The following CLVS1 variants were observed in gnomAD, a reference collection of about 807,000 sequenced individuals.
CLVS1 encodes clavesin 1.
A neutral mutation model predicts 33.1 loss-of-function variants in CLVS1; 10 were observed. That is an observed-to-expected ratio of 0.30 (90% confidence interval 0.19 to 0.51). The LOEUF is 0.51. Among genes scored for constraint, CLVS1 ranks in the 20% least tolerant of loss-of-function variants. The pLI is 0.97. For synonymous variants in CLVS1, 163 were observed against 166.1 expected, an observed-to-expected ratio of 0.98 and a Z score of 0.14; for missense variants, 343 against 433.4, an observed-to-expected ratio of 0.79 and a Z score of 1.85.
chr8:61,058,078 G>C (rs1159421581), intron 1 of CLVS1, among the ~76,000 whole-genome samples: 4 of 152,332 alleles, frequency 2.6e-5, no homozygotes, highest in Non-Finnish European at 5.9e-5. Context: ...AACCTAGCTA[G>C]ACATATAGTA....
At chr8:61,475,908 T>C (rs1472033245) in intron 5 of CLVS1, among the ~76,000 whole-genome samples, 1 of 152,226 alleles carries the variant, frequency 6.6e-6, no homozygotes. Flanking sequence ...TAGGTTTTCT[T>C]CTAGGGTTTT....
intron 3 of CLVS1, among the ~76,000 whole-genome samples, chr8:61,409,137 C>T (rs1815116340): frequency 6.6e-6 from 1 of 152,144 alleles, no homozygotes; most frequent in African/African-American, 2.4e-5. Flanking sequence ...AGACATATTT[C>T]AATATGACTG....
At chr8:61,308,942 G>C (rs1179786782) in intron 2 of CLVS1, among the ~76,000 whole-genome samples, 2 of 152,150 alleles carry the variant, frequency 1.3e-5, no homozygotes, top group African/African-American at 4.8e-5. Context: ...TCAATCAAAA[G>C]CTGAATCACC....
intron 2 of CLVS1, among the ~76,000 whole-genome samples, chr8:61,169,297 T>C (rs1806944688): frequency 6.6e-6 from 1 of 152,162 alleles, no homozygotes; most frequent in African/African-American, 2.4e-5. Context: ...CAAAGACTTT[T>C]TAACCTTACC....
intron 2 of CLVS1, among the ~76,000 whole-genome samples, chr8:61,196,895 A>G (rs1807624424): frequency 6.6e-6 from 1 of 152,150 alleles, no homozygotes; most frequent in Admixed American, 6.5e-5. Flanking sequence ...ATTGGAAGTG[A>G]TGTGTGCAAC....
At chr8:61,390,087 A>G (rs955555476) in intron 3 of CLVS1, among the ~76,000 whole-genome samples, 1 of 152,150 alleles carries the variant, frequency 6.6e-6, no homozygotes, top group African/African-American at 2.4e-5. Flanking sequence ...GAAAAGTCCT[A>G]TTCTTGGGAG....
At chr8:61,382,852 C>T (rs967255990) in intron 3 of CLVS1, among the ~76,000 whole-genome samples, 16 of 152,286 alleles carry the variant, frequency 1.1e-4, no homozygotes, top group African/African-American at 3.8e-4. Context: ...CCTCAAAGAC[C>T]TCAGGCAAAT....
chr8:61,347,546 T>C (rs1263659193), intron 2 of CLVS1, among the ~76,000 whole-genome samples: 1 of 149,556 alleles, frequency 6.7e-6, no homozygotes, highest in Non-Finnish European at 1.5e-5. Context: ...AAATTCAAGA[T>C]TATCTGTTAT....
intron 2 of CLVS1, among the ~76,000 whole-genome samples, chr8:61,338,091 G>T (rs1011920515): frequency 9.9e-5 from 15 of 152,050 alleles, no homozygotes; most frequent in African/African-American, 2.9e-4. Context: ...ATGTCCTCAG[G>T]AAAAGGTCTG....
chr8:60,994,186 C>T, the CLVS1 span, among the ~76,000 whole-genome samples: 73 of 152,216 alleles, frequency 4.8e-4, no homozygotes, highest in South Asian at 1.5e-3. Flanking sequence ...CTCCCTGTAT[C>T]TTCACGTGGT....
chr8:61,177,802 CAA>C (rs58292797), intron 2 of CLVS1, among the ~76,000 whole-genome samples: 35,815 of 141,238 alleles, frequency 0.25, 4,454 homozygotes, highest in Admixed American at 0.31. Flanking sequence ...ACAACAGCAT[CAA>C]AAAAAAAAAA....
In CLVS1 at chr8:61,323,352, A is replaced by G. The variant is rs73682253; in HGVS notation, c.455+23070A>G. 8.9e-3 allele frequency among the ~76,000 whole-genome samples: 1,353 copies of G among 152,298 alleles called. 22 individuals are homozygous for G. The highest frequency in any genetic ancestry group is 0.031 in the African/African-American group (1,296 of 41,552). On this transcript the variant is annotated intron_variant, in intron 2 of 5. Coordinates refer to ENST00000325897, the MANE Select transcript of CLVS1 (RefSeq NM_173519.3). ...CCTACTCCATCCTGTTGACGAAAGC[A>G]CATCACAAGACCTGTCCAGATACAA...
At chr8:61,057,031 T>G (rs1228405096), upstream of CLVS1, 4 of 152,196 alleles carry the variant, frequency 2.6e-5, no homozygotes, top group Admixed American at 2.6e-4. Flanking sequence ...GTTCTTTCCA[T>G]TCAGGCAGAA....
chr8:61,287,652 A>G (rs1162642465), upstream of CLVS1, among the ~76,000 whole-genome samples: 2 of 152,152 alleles, frequency 1.3e-5, no homozygotes, highest in African/African-American at 4.8e-5. Flanking sequence ...GTCTTTTCAA[A>G]TAGTTCATTT....
Position 61,122,998 on chromosome 8 carries a change from G to C in CLVS1, c.-242-8772G>C, listed in dbSNP as rs1028110961. On this transcript the variant is annotated intron_variant, in intron 1 of 2. Coordinates refer to the CLVS1 transcript ENST00000522621. ...AAAAAGTCTCATAGTGGCCAGGCACGGTGGCTCACACCTGTAATCCCAGCA... is the reference window on the plus strand; with the variant it reads ...AAAAAGTCTCATAGTGGCCAGGCACCGTGGCTCACACCTGTAATCCCAGCA... Among the ~76,000 whole-genome samples, 2 of 144,194 alleles carry C rather than the reference G, an allele frequency of 1.4e-5. 1 individual carries two copies. Among genetic ancestry groups the C allele is most frequent in the Non-Finnish European group, 3.1e-5 (2 of 65,304 alleles). 94.6% of individuals were successfully genotyped at this position (144,194 alleles called of 152,430 possible). A position where few individuals can be genotyped will look rare whatever the true frequency, so the allele number is the denominator to read the frequency against.
intron 4 of CLVS1, among the ~76,000 whole-genome samples, chr8:61,457,547 A>C (rs1817211751): frequency 1.3e-5 from 2 of 151,982 alleles, no homozygotes; most frequent in Admixed American, 1.3e-4. Context: ...CTATGTCCCC[A>C]ATCCAGACAA....
chr8:61,350,200 A>G (rs1812394890), intron 2 of CLVS1, among the ~76,000 whole-genome samples: 1 of 152,132 alleles, frequency 6.6e-6, no homozygotes, highest in South Asian at 2.1e-4. Flanking sequence ...ATATATAGGT[A>G]TTTCAAAATA....
At chr8:61,103,623 C>A (rs1011605009) in intron 1 of CLVS1, among the ~76,000 whole-genome samples, 1 of 152,162 alleles carries the variant, frequency 6.6e-6, no homozygotes, top group Non-Finnish European at 1.5e-5. Flanking sequence ...AGGAAATGGG[C>A]TGGTTTAGAA....
exon 2 of CLVS1, chr8:61,131,858 A>T (rs1379007715): frequency 6.6e-6 from 1 of 152,200 alleles, no homozygotes; most frequent in Non-Finnish European, 1.5e-5. Context: ...AGCCAGGAAA[A>T]AGGTGAGTAA....
Sources: allele counts gnomAD v4.1 joint callset (sites outside exome capture counted in the v4.1 genomes callset), GRCh38; gene constraint gnomAD v4.1.1; transcripts MANE v1.5; gene names NCBI Gene and HGNC (gene_info 2026-07-23, HGNC 2026-07-21).